The following LMX1A variants were observed in gnomAD, a reference collection of about 807,000 sequenced individuals.
The protein encoded by LMX1A is LIM homeobox transcription factor 1 alpha.
Under a neutral mutation model 49.1 loss-of-function variants are expected in LMX1A, and 15 were observed. That is an observed-to-expected ratio of 0.31 (90% CI 0.20 to 0.47). LMX1A has a LOEUF of 0.47. Ranked by LOEUF, LMX1A falls within the 20% of genes least tolerant of loss-of-function variation. The pLI is 1.00. For missense variants in LMX1A, 372 were observed against 475.8 expected (o/e 0.78, Z 2.03); for synonymous variants, 167 against 185.7 (o/e 0.90, Z 0.82).
At chr1:165,251,571 G>A (rs924000011) in intron 3 of LMX1A, among the ~76,000 whole-genome samples, 14 of 152,166 alleles carry the variant, frequency 9.2e-5, no homozygotes, top group Non-Finnish European at 1.8e-4. Flanking sequence ...AGGAAAGCAT[G>A]GGGCATGGCT....
At chr1:165,271,635 C>A (rs1250660495) in intron 3 of LMX1A, among the ~76,000 whole-genome samples, 2 of 152,206 alleles carry the variant, frequency 1.3e-5, no homozygotes, top group East Asian at 3.9e-4. Context: ...TGGGCAGTGG[C>A]CAAGACCGAG....
At chr1:165,315,472 A>G (rs941919369) in intron 3 of LMX1A, among the ~76,000 whole-genome samples, 2 of 152,250 alleles carry the variant, frequency 1.3e-5, no homozygotes, top group African/African-American at 4.8e-5. Flanking sequence ...GCTTTGAAGT[A>G]TGTGCTAACA....
At chr1:165,213,862 G>A (rs751508714) in intron 4 of LMX1A, 49 bp from the exon 5 acceptor site, 2 of 1,572,290 alleles carry the variant, frequency 1.3e-6, no homozygotes, top group Non-Finnish European at 1.7e-6. Flanking sequence ...GCCAGTTCCT[G>A]GAGCTGTATG....
At chr1:165,268,465 T>G (rs536669769) in intron 3 of LMX1A, among the ~76,000 whole-genome samples, 1 of 152,342 alleles carries the variant, frequency 6.6e-6, no homozygotes, top group African/African-American at 2.4e-5. Context: ...TGCATAACGT[T>G]GAGGCCTTAG....
chr1:165,259,506 T>G (rs1252778875), intron 3 of LMX1A, among the ~76,000 whole-genome samples: 1 of 152,236 alleles, frequency 6.6e-6, no homozygotes, highest in East Asian at 1.9e-4. Context: ...CTCATATGAC[T>G]GCTTCTTACA....
intron 3 of LMX1A, among the ~76,000 whole-genome samples, chr1:165,285,364 T>A (rs1192119939): frequency 6.6e-6 from 1 of 152,180 alleles, no homozygotes; most frequent in Non-Finnish European, 1.5e-5. Flanking sequence ...ATCCTTCCAG[T>A]TCTAAACACA....
chr1:165,327,422 C>G (rs936694004), intron 3 of LMX1A, among the ~76,000 whole-genome samples: 3 of 152,238 alleles, frequency 2.0e-5, no homozygotes, highest in Non-Finnish European at 4.4e-5. Flanking sequence ...CAAAGCCAAG[C>G]CTGACTTAGA....
chr1:165,247,054 CT>C (rs71097567), intron 4 of LMX1A, among the ~76,000 whole-genome samples: 590 of 53,148 alleles, frequency 0.011, 1 homozygote, highest in African/African-American at 0.036. Flanking sequence ...TCAGCTTTTT[CT>C]TTTTTTTTTT....
chr1:165,311,976 G>A (rs1655090138), intron 3 of LMX1A, among the ~76,000 whole-genome samples: 1 of 152,196 alleles, frequency 6.6e-6, no homozygotes, highest in African/African-American at 2.4e-5. Flanking sequence ...ATGGTCCTGA[G>A]CTACCCACTC....
chr1:165,290,087 AGTTTAT>A (rs935350348), intron 3 of LMX1A, among the ~76,000 whole-genome samples: 7 of 152,230 alleles, frequency 4.6e-5, no homozygotes, highest in African/African-American at 1.7e-4. Flanking sequence ...TGAAGCCCTC[AGTTTAT>A]GTATCAGTTA....
intron 4 of LMX1A, among the ~76,000 whole-genome samples, chr1:165,234,132 G>A (rs1400720953): frequency 6.6e-6 from 1 of 152,098 alleles, no homozygotes; most frequent in African/African-American, 2.4e-5. Context: ...TTCACATTTT[G>A]GCGTTAATCT....
At chr1:165,325,024 G>A (rs1655524931) in intron 3 of LMX1A, among the ~76,000 whole-genome samples, 3 of 152,046 alleles carry the variant, frequency 2.0e-5, no homozygotes, top group Non-Finnish European at 4.4e-5. Flanking sequence ...GTCTCTCCAG[G>A]GAGCCCCTGC....
chr1:165,214,127 T>A (rs1651545865), intron 4 of LMX1A, among the ~76,000 whole-genome samples: 1 of 152,206 alleles, frequency 6.6e-6, no homozygotes, highest in Non-Finnish European at 1.5e-5. Context: ...AGAATTGTAA[T>A]CTCCACGTGT....
chr1:165,310,152 G>T (rs1045310416), intron 3 of LMX1A, among the ~76,000 whole-genome samples: 2 of 152,166 alleles, frequency 1.3e-5, no homozygotes. Flanking sequence ...TTTTGTAAAG[G>T]CAGGGACATT....
At chr1:165,250,271 G>A (rs1370162659) in intron 3 of LMX1A, among the ~76,000 whole-genome samples, 1 of 152,172 alleles carries the variant, frequency 6.6e-6, no homozygotes, top group Non-Finnish European at 1.5e-5. Flanking sequence ...AGGAGTATCT[G>A]AGTTAATGCC....
At position 165,355,457 on chromosome 1, in the gene LMX1A, C is replaced by T. The variant is rs1300535226; in HGVS notation, c.76+27G>A. Reference sequence around the variant, plus strand: ...CAGCGCCAAGCGGAAAGAGAGTGCGCCCAGGACGCACGGCCTGAACACTCA... The same window carrying T: ...CAGCGCCAAGCGGAAAGAGAGTGCGTCCAGGACGCACGGCCTGAACACTCA... On this transcript the variant is annotated intron_variant, in intron 2 of 8. Transcript: ENST00000342310. This position sits in a 1 kb window ranked among gnomAD's most constrained non-coding sequence, Gnocchi z 4.7. 6.2e-7 allele frequency: 1 copy of T among 1,610,338 alleles called. No homozygotes were observed. The highest frequency in any genetic ancestry group is 2.2e-5 in the East Asian group (1 of 44,832).
At position 165,291,641 on chromosome 1, in the gene LMX1A, T is replaced by C. The variant is rs576458419; in HGVS notation, c.264-42001A>G. On this transcript the variant is annotated intron_variant, in intron 3 of 8. Transcript: ENST00000342310. ...ATTCATTTATTCTTCATTTCAACCC[T>C]GAGAGGTTCTGGCATCATTTCCATT... 1.6e-3 allele frequency among the ~76,000 whole-genome samples: 244 copies of C among 152,346 alleles called. 2 individuals are homozygous for C. The highest frequency in any genetic ancestry group is 5.4e-3 in the African/African-American group (223 of 41,582).
At chr1:165,204,063 G>A (rs768184016) in intron 8 of LMX1A, 23 bp from the exon 9 acceptor site, 24 of 1,612,484 alleles carry the variant, frequency 1.5e-5, no homozygotes, top group Non-Finnish European at 2.0e-5. Flanking sequence ...TGAAACACTG[G>A]CATGAGGGTC....
chr1:165,302,004 T>C (rs1462620897), intron 3 of LMX1A, among the ~76,000 whole-genome samples: 1 of 152,166 alleles, frequency 6.6e-6, no homozygotes, highest in Non-Finnish European at 1.5e-5. Context: ...AGGAAGAAAC[T>C]GTAAGGCCTG....
Sources: allele counts gnomAD v4.1 joint callset (sites outside exome capture counted in the v4.1 genomes callset), GRCh38; gene constraint gnomAD v4.1.1; non-coding constraint Gnocchi (gnomAD v3.1); transcripts MANE v1.5; gene names NCBI Gene and HGNC (gene_info 2026-07-23, HGNC 2026-07-21).